The following TRIP4 variants were observed in gnomAD, a reference collection of about 807,000 sequenced individuals.
TRIP4 encodes the protein activating signal cointegrator 1.
TRIP4 carries 54 observed loss-of-function variants against 81.8 expected under a neutral mutation model. The ratio of observed to expected loss-of-function variants is 0.66; its 90% CI spans 0.53 to 0.83. The LOEUF (loss-of-function observed/expected upper bound fraction) is 0.83. Among genes scored for constraint, TRIP4 ranks in the 40% least tolerant of loss-of-function variants. The pLI is 0.00. For missense variants in TRIP4, 662 were observed against 683.6 expected (o/e 0.97, Z 0.35); for synonymous variants, 270 against 242.8 (o/e 1.11, Z -1.04).
intron 1 of TRIP4, chr15:64,393,244 G>A (rs1900187585): frequency 6.6e-6 from 1 of 150,574 alleles, no homozygotes. Flanking sequence ...CTGTCTCCTG[G>A]GTTCACACCA....
chr15:64,435,991 G>A (rs1458096105), intron 11 of TRIP4, among the ~76,000 whole-genome samples: 4 of 151,586 alleles, frequency 2.6e-5, no homozygotes, highest in Non-Finnish European at 4.4e-5. Context: ...GACAGCTCCT[G>A]CTCATCCTTT....
At chr15:64,420,821 C>T (rs960681865) in intron 9 of TRIP4, among the ~76,000 whole-genome samples, 1 of 151,938 alleles carries the variant, frequency 6.6e-6, no homozygotes, top group Admixed American at 6.6e-5. Flanking sequence ...CGTGAGCCAC[C>T]GTGCCAGGCC....
At chr15:64,450,740 C>A (rs1892740334) in intron 12 of TRIP4, 1 of 455,972 alleles carries the variant, frequency 2.2e-6, no homozygotes, top group Non-Finnish European at 4.4e-6. Flanking sequence ...TATCTTGTTT[C>A]TCCTATTAGC....
chr15:64,440,966 G>A (rs1892502439), intron 11 of TRIP4, among the ~76,000 whole-genome samples: 1 of 151,718 alleles, frequency 6.6e-6, no homozygotes, highest in South Asian at 2.1e-4. Flanking sequence ...ATAAAATAAC[G>A]TTAATGCACA....
intron 12 of TRIP4, among the ~76,000 whole-genome samples, chr15:64,453,236 A>G (rs1307206128): frequency 6.6e-6 from 1 of 152,196 alleles, no homozygotes; most frequent in African/African-American, 2.4e-5. Context: ...GGAGTCCTAG[A>G]TGGAATTCTA....
rs1325058360 is a variant in TRIP4, at chr15:64,406,471, T to TATGAAAGAAC, written c.827+12_827+13insATGAAAGAAC. On this transcript the variant is annotated intron_variant, in intron 6 of 12. Transcript: ENST00000261884. ...TTTGACAGAACTAGGTATGAAAGGG[T>TATGAAAGAAC]TAGAATAACAAATGCTAAGAAATAA... 3 of 1,610,488 alleles carry TATGAAAGAAC rather than the reference T, an allele frequency of 1.9e-6. No homozygotes were observed. The highest frequency in any genetic ancestry group is 1.3e-5 in the African/African-American group (1 of 74,810).
intron 11 of TRIP4, among the ~76,000 whole-genome samples, chr15:64,435,822 T>A (rs1382826696): frequency 3.3e-4 from 22 of 65,968 alleles, no homozygotes; most frequent in South Asian, 6.8e-4. Context: ...GGAAGCTTCT[T>A]AAAAAAAAAA....
At chr15:64,400,312 A>G (rs922357953) in intron 4 of TRIP4, among the ~76,000 whole-genome samples, 4 of 151,002 alleles carry the variant, frequency 2.6e-5, no homozygotes, top group African/African-American at 7.3e-5. Flanking sequence ...AGCTGGAACT[A>G]TAGGCACACA....
At chr15:64,448,185 C>T (rs528177069) in intron 12 of TRIP4, among the ~76,000 whole-genome samples, 3 of 152,164 alleles carry the variant, frequency 2.0e-5, no homozygotes, top group Non-Finnish European at 2.9e-5. Context: ...CTTCCCTTTT[C>T]GTAGCTTCTT....
chr15:64,447,135 A>AAAC, intron 12 of TRIP4, among the ~76,000 whole-genome samples: 1 of 136,726 alleles, frequency 7.3e-6, no homozygotes, highest in African/African-American at 3.0e-5. Flanking sequence ...AAAAACAAAC[A>AAAC]AAAAAAACAC....
chr15:64,427,236 C>T (rs911387753), intron 11 of TRIP4, among the ~76,000 whole-genome samples: 1 of 152,164 alleles, frequency 6.6e-6, no homozygotes, highest in Non-Finnish European at 1.5e-5. Context: ...AATAGGGCTT[C>T]CACCAGTGTG....
intron 11 of TRIP4, among the ~76,000 whole-genome samples, chr15:64,440,165 C>G (rs1407112757): frequency 6.6e-6 from 1 of 151,928 alleles, no homozygotes; most frequent in Non-Finnish European, 1.5e-5. Context: ...CCCTCCAGGT[C>G]AAGGCTGTAG....
intron 9 of TRIP4, among the ~76,000 whole-genome samples, chr15:64,422,885 C>T (rs899444548): frequency 1.3e-5 from 2 of 152,164 alleles, no homozygotes; most frequent in Admixed American, 1.3e-4. Flanking sequence ...TTCCCCATAT[C>T]GTGCACCTAC....
intron 4 of TRIP4, among the ~76,000 whole-genome samples, chr15:64,399,729 G>A (rs1891444530): frequency 6.6e-6 from 1 of 152,010 alleles, no homozygotes; most frequent in South Asian, 2.1e-4. Flanking sequence ...TTGAACTCCT[G>A]ACCTCAGGTG....
intron 7 of TRIP4, 83 bp from the exon 8 acceptor site, chr15:64,414,002 T>C: frequency 6.6e-7 from 1 of 1,512,590 alleles, no homozygotes; most frequent in African/African-American, 1.4e-5. Context: ...ATTTTATTAC[T>C]ATTAAAGCAT....
At position 64,397,626 on chromosome 15, in the gene TRIP4, C is replaced by T. The variant is rs761509040; in HGVS notation, c.426C>T (p.Ser142=). Reference sequence around the variant, plus strand: ...GATAGGCACAAGAGAACAGCAACTCCGTAAAGAAGAAGACAAAGTTTGTCA... The same window carrying T: ...GATAGGCACAAGAGAACAGCAACTCTGTAAAGAAGAAGACAAAGTTTGTCA... ...DLAKAQENSN[S]VKKKTKFVNL... The change falls in exon 4 of 13, where the codon TCC becomes TCT. Residue 142 remains serine (S), a synonymous_variant. Coordinates refer to ENST00000261884, the MANE Select transcript of TRIP4 (RefSeq NM_016213.5). 16 of 1,612,582 alleles carry T rather than the reference C, an allele frequency of 9.9e-6. No individual in the cohort carries two copies. Among genetic ancestry groups the T allele is most frequent in the Middle Eastern group, 1.6e-4 (1 of 6,064 alleles).
At position 64,393,930 on chromosome 15, in the gene TRIP4, A is replaced by G. The variant is rs761919084; in HGVS notation, c.102-16A>G. 1.9e-6 allele frequency: 3 copies of G among 1,565,852 alleles called. No homozygotes were observed. Among genetic ancestry groups the G allele is most frequent in the South Asian group, 2.4e-5 (2 of 82,768 alleles). On this transcript the variant is annotated splice_polypyrimidine_tract_variant and intron_variant, in intron 1 of 12. Coordinates refer to ENST00000261884, the MANE Select transcript of TRIP4 (RefSeq NM_016213.5). ...AGTTAGTCTTGTTTCAACAACTTAT[A>G]TCTTTGCCTCCTGAGGTACGTTTTG...
intron 11 of TRIP4, among the ~76,000 whole-genome samples, chr15:64,442,073 A>T (rs895208404): frequency 3.3e-5 from 5 of 152,196 alleles, no homozygotes; most frequent in Middle Eastern, 3.4e-3. Flanking sequence ...GGTATCAGAG[A>T]GGAAATGGGG....
Position 64,455,120 on chromosome 15 carries a change from T to C in TRIP4, c.*56T>C. The C allele has an allele frequency of 6.6e-7, 1 of 1,523,268 alleles. No individual in the cohort carries two copies. Among genetic ancestry groups the C allele is most frequent in the Non-Finnish European group, 9.0e-7 (1 of 1,105,180 alleles). 94.4% of individuals were successfully genotyped at this position (1,523,268 alleles called of 1,614,324 possible). On this transcript the variant is annotated 3_prime_UTR_variant, in exon 13 of 13. Transcript: ENST00000261884. ...GGAGTTTTGTGTACTAAAATTGCTA[T>C]CTACTGGTCCTTTGGAATTGAAGTA...
Sources: gnomAD v4.1 joint callset for allele counts (sites outside exome capture counted in the v4.1 genomes callset) on GRCh38, gnomAD v4.1.1 for gene constraint, MANE v1.5 for transcripts, NCBI Gene and HGNC (gene_info 2026-07-23, HGNC 2026-07-21) for gene names.